RAPGEF2: variants seen among roughly 807,000 people sequenced by gnomAD.
The protein encoded by RAPGEF2 is PDZ domain containing guanine nucleotide exchange factor (GEF) 1.
RAPGEF2 carries 54 observed loss-of-function variants against 186.7 expected under a neutral mutation model. The observed-to-expected ratio is 0.29, with a 90% confidence interval of 0.23 to 0.36. The LOEUF is 0.36. Among genes scored for constraint, RAPGEF2 ranks in the 10% least tolerant of loss-of-function variants. RAPGEF2 has a pLI of 1.00. For synonymous variants in RAPGEF2, 712 were observed against 705.9 expected (o/e 1.01, Z -0.14); for missense variants, 1,532 against 2,045.0 (o/e 0.75, Z 4.84).
In RAPGEF2 at chr4:159,165,060, AT is replaced by A. The variant is rs201053406; in HGVS notation, c.70-21572del. On this transcript the variant is annotated intron_variant, in intron 1 of 29. Transcript: ENST00000691494. ...AAGAGCCTTCTATGTTTCTTAAAGA[AT>A]TTTTTTTTTCTTTTTTGGGGAAGGG... Among the ~76,000 whole-genome samples the A allele has an allele frequency of 4.3e-3, 645 of 150,666 alleles. 16 individuals are homozygous for A. The highest frequency in any genetic ancestry group is 0.031 in the Admixed American group (470 of 15,112).
intron 7 of RAPGEF2, among the ~76,000 whole-genome samples, chr4:159,290,927 T>G (rs1761122743): frequency 6.6e-6 from 1 of 152,226 alleles, no homozygotes; most frequent in Non-Finnish European, 1.5e-5. Context: ...ATGCCAGGGT[T>G]GACACATGAA....
chr4:159,195,879 T>G (rs1033800769), intron 3 of RAPGEF2, among the ~76,000 whole-genome samples: 1 of 45,796 alleles, frequency 2.2e-5, no homozygotes, highest in South Asian at 6.1e-4. Flanking sequence ...ATACCTGTTT[T>G]TTTTTTTTTT....
intron 7 of RAPGEF2, among the ~76,000 whole-genome samples, chr4:159,275,719 T>C (rs1300289214): frequency 6.6e-6 from 1 of 152,108 alleles, no homozygotes. Flanking sequence ...CATCTTATTA[T>C]AGGGTATTTT....
intron 7 of RAPGEF2, among the ~76,000 whole-genome samples, chr4:159,252,221 C>T (rs372446024): frequency 6.6e-6 from 1 of 152,140 alleles, no homozygotes; most frequent in African/African-American, 2.4e-5. Context: ...CCAGCACACT[C>T]GTGTTTTTTG....
chr4:159,279,540 A>G (rs943444747), intron 7 of RAPGEF2, among the ~76,000 whole-genome samples: 1 of 152,230 alleles, frequency 6.6e-6, no homozygotes, highest in Non-Finnish European at 1.5e-5. Context: ...CATAAAATGT[A>G]GAGTAACTTT....
In RAPGEF2 at chr4:159,131,519, ATTT is replaced by A. The variant is rs35670450; in HGVS notation, c.69+27313_69+27315del. ...TGATATCTTTGTCTGATTAATTGCT[ATTT>A]TTTTTTTTTTTTTTTTTTTTTTTTA... On this transcript the variant is annotated intron_variant, in intron 1 of 29. Coordinates refer to ENST00000691494, the MANE Select transcript of RAPGEF2 (RefSeq NM_001394067.2). Among the ~76,000 whole-genome samples, 42 of 37,186 alleles carry A rather than the reference ATTT, an allele frequency of 1.1e-3. 5 individuals are homozygous for A. Among genetic ancestry groups the A allele is most frequent in the African/African-American group, 4.9e-3 (41 of 8,306 alleles). 24.4% of individuals were successfully genotyped at this position (37,186 alleles called of 152,430 possible).
At chr4:159,230,538 T>G (rs1357951977) in intron 4 of RAPGEF2, among the ~76,000 whole-genome samples, 3 of 152,176 alleles carry the variant, frequency 2.0e-5, no homozygotes, top group African/African-American at 4.8e-5. Context: ...TAAGTGGTAT[T>G]ATGAGTGCCA....
intron 7 of RAPGEF2, among the ~76,000 whole-genome samples, chr4:159,251,304 G>T (rs1235145557): frequency 1.3e-5 from 2 of 152,264 alleles, no homozygotes; most frequent in Non-Finnish European, 2.9e-5. Flanking sequence ...CTGCCCAAGG[G>T]CTGAGGAGTG....
chr4:159,257,077 T>G (rs1203501746), intron 7 of RAPGEF2, among the ~76,000 whole-genome samples: 2 of 152,212 alleles, frequency 1.3e-5, no homozygotes, highest in African/African-American at 4.8e-5. Context: ...TTGATTTTGT[T>G]GCAATGCTTT....
At chr4:159,212,322 A>AGG (rs1039987480) in intron 4 of RAPGEF2, among the ~76,000 whole-genome samples, 2 of 152,202 alleles carry the variant, frequency 1.3e-5, no homozygotes, top group Admixed American at 1.3e-4. Flanking sequence ...ACTTAAAAGA[A>AGG]GGTGCTGGCA....
intron 12 of RAPGEF2, 71 bp from the exon 13 acceptor site, chr4:159,330,263 A>ATGTGTGTGTGTG (rs1278340762): frequency 9.3e-5 from 38 of 410,446 alleles, no homozygotes; most frequent in African/African-American, 4.0e-4. Flanking sequence ...GTGTATATGT[A>ATGTGTGTGTGTG]TATGTGTGTG....
intron 7 of RAPGEF2, among the ~76,000 whole-genome samples, chr4:159,248,282 A>G (rs1400740765): frequency 6.6e-6 from 1 of 152,224 alleles, no homozygotes; most frequent in African/African-American, 2.4e-5. Context: ...ATTAGGTAAT[A>G]AAGAATGGAA....
intron 10 of RAPGEF2, among the ~76,000 whole-genome samples, chr4:159,322,995 A>G (rs1472279352): frequency 6.6e-6 from 1 of 152,188 alleles, no homozygotes; most frequent in Non-Finnish European, 1.5e-5. Flanking sequence ...ATGAGTCACT[A>G]TATTCCAAAT....
At chr4:159,270,646 G>A (rs1312229124) in intron 7 of RAPGEF2, among the ~76,000 whole-genome samples, 1 of 152,022 alleles carries the variant, frequency 6.6e-6, no homozygotes, top group Non-Finnish European at 1.5e-5. Flanking sequence ...TTTATTTGTT[G>A]TCTGTCTCAT....
chr4:159,244,352 C>T (rs1198158247), intron 7 of RAPGEF2, among the ~76,000 whole-genome samples: 1 of 151,770 alleles, frequency 6.6e-6, no homozygotes, highest in East Asian at 1.9e-4. Flanking sequence ...TTATTTTTAA[C>T]AAGGTTTCTT....
chr4:159,256,667 A>G (rs1485895817), intron 7 of RAPGEF2, among the ~76,000 whole-genome samples: 1 of 152,138 alleles, frequency 6.6e-6, no homozygotes, highest in East Asian at 1.9e-4. Flanking sequence ...CCCACCAACA[A>G]TGTAAGTGTT....
chr4:159,198,260 CTCTTTCTT>C (rs1561074321), intron 3 of RAPGEF2, among the ~76,000 whole-genome samples: 1 of 64,152 alleles, frequency 1.6e-5, no homozygotes, highest in African/African-American at 7.4e-5. Flanking sequence ...TTCTTTCTTT[CTCTTTCTT>C]TCCTTCTTTC....
chr4:159,186,151 A>C (rs559396949), intron 1 of RAPGEF2, among the ~76,000 whole-genome samples: 2 of 152,012 alleles, frequency 1.3e-5, no homozygotes, highest in African/African-American at 4.8e-5. Context: ...ATTTAAACTT[A>C]AGTATTTCTA....
At chr4:159,250,948 C>T (rs1207895824) in intron 7 of RAPGEF2, among the ~76,000 whole-genome samples, 2 of 152,194 alleles carry the variant, frequency 1.3e-5, no homozygotes, top group Non-Finnish European at 2.9e-5. Flanking sequence ...GGAACCTGGG[C>T]TGTGCGCCAC....
Sources: allele counts gnomAD v4.1 joint callset (sites outside exome capture counted in the v4.1 genomes callset), GRCh38; gene constraint gnomAD v4.1.1; transcripts MANE v1.5; gene names NCBI Gene and HGNC (gene_info 2026-07-23, HGNC 2026-07-21).